Variants in XPO5 observed in about 807,000 individuals in gnomAD.
XPO5 encodes exportin-5.
Under a neutral mutation model 160.6 loss-of-function variants are expected in XPO5, and 46 were observed. That is an observed-to-expected ratio of 0.29 (90% CI 0.23 to 0.37). The LOEUF is 0.37. Ranked by LOEUF, XPO5 falls within the 10% of genes least tolerant of loss-of-function variation. The pLI is 1.00. For missense variants in XPO5, 1,090 were observed against 1,463.9 expected (o/e 0.74, Z 4.17); for synonymous variants, 537 against 519.3 (o/e 1.03, Z -0.46).
Position 43,524,377 on chromosome 6 carries a change from C to T in XPO5, c.3477+94G>A, listed in dbSNP as rs1355223672. ...CAAAAAAAAAAAAAAAAAAATCTCA[C>T]CATAATGGTCAATAACTACAGCTGG... On this transcript the variant is annotated intron_variant, in intron 31 of 31. Coordinates refer to ENST00000265351, the MANE Select transcript of XPO5 (RefSeq NM_020750.3). 21 of 1,400,296 alleles carry T rather than the reference C, an allele frequency of 1.5e-5. No homozygotes were observed. In the Middle Eastern group the frequency reaches 7.8e-4, roughly 52 times the overall value. The allele number at this position is 1,400,296 out of a possible 1,614,324, so 86.7% of individuals were successfully genotyped here. A position where few individuals can be genotyped will look rare whatever the true frequency, so the allele number is the denominator to read the frequency against.
In XPO5 at chr6:43,534,038, T is replaced by C. The variant is rs778786082; in HGVS notation, c.2343-31A>G. On this transcript the variant is annotated intron_variant, in intron 20 of 31. Transcript: ENST00000265351. The stretch of plus-strand genomic sequence containing the variant: ...AGAAACAAGAATGCTATTGAGCTTT[T>C]CCATCTGATGCAGAAGGAAAGAGTG... 5 of 1,539,484 alleles carry C rather than the reference T, an allele frequency of 3.2e-6. No individual in the cohort carries two copies. In the Admixed American group the frequency reaches 8.6e-5, roughly 26 times the overall value.
In XPO5 at chr6:43,560,213, T is replaced by C; in HGVS notation, c.1186A>G (p.Lys396Glu). Residue 396 changes from lysine (K) to glutamate (E), a missense_variant, in exon 11 of 32, where the codon AAA becomes GAA. This residue lies in a region of XPO5 where 810 missense variants were observed against 1,139.0 expected (regional missense o/e 0.71). Coordinates refer to ENST00000265351, the MANE Select transcript of XPO5 (RefSeq NM_020750.3). ...TTAGTCATGGAAGCACGAAGATATT[T>C]TGGTATTATTGCTAATAGCAAAGGA... ...RDPLLLAIIP[K>E]YLRASMTNLV... The C allele has an allele frequency of 1.9e-6, 3 of 1,612,664 alleles. No individual in the cohort carries two copies. Among genetic ancestry groups the C allele is most frequent in the Non-Finnish European group, 2.5e-6 (3 of 1,179,260 alleles).
chr6:43,533,723 T>G (rs1296151572), intron 21 of XPO5, 184 bp downstream of exon 21: 1 of 369,074 alleles, frequency 2.7e-6, no homozygotes, highest in East Asian at 5.6e-5. Context: ...GTGGTCCAAC[T>G]ACTCGGGAGG....
In XPO5 at chr6:43,560,953, A is replaced by G; in HGVS notation, c.1066T>C (p.Phe356Leu). Residue 356 changes from phenylalanine to leucine, a missense_variant, in exon 10 of 32, where the codon TTT (phenylalanine) becomes CTT (leucine). Phe to Leu is a conservative substitution (Grantham distance 22, BLOSUM62 0). Coordinates refer to ENST00000265351, the MANE Select transcript of XPO5 (RefSeq NM_020750.3). ...CTTGGATGGGTTGTGAAAGCAAGAA[A>G]AGATTCCAGGTATTTTCCAAAGTTT... ...PSNFGKYLES[F>L]LAFTTHPSQF... The G allele has an allele frequency of 1.9e-6, 3 of 1,613,990 alleles. No homozygotes were observed. The highest frequency in any genetic ancestry group is 1.7e-4 in the Middle Eastern group (1 of 6,060).
chr6:43,573,836 T>C (rs1561889383), intron 1 of XPO5, among the ~76,000 whole-genome samples: 1 of 142,938 alleles, frequency 7.0e-6, no homozygotes. Context: ...TTTTTTTTTT[T>C]TTTTTGAGAC....
At chr6:43,538,218 C>T (rs1210250703) in intron 20 of XPO5, among the ~76,000 whole-genome samples, 1 of 121,726 alleles carries the variant, frequency 8.2e-6, no homozygotes, top group Non-Finnish European at 1.6e-5. Context: ...GGCGTGATCT[C>T]AGCTCAATGC....
chr6:43,544,801 C>G (rs1268845690), intron 20 of XPO5, among the ~76,000 whole-genome samples: 2 of 152,088 alleles, frequency 1.3e-5, no homozygotes, highest in Non-Finnish European at 2.9e-5. Context: ...AATGTTTAAC[C>G]CTCTCAGTAC....
In XPO5 at chr6:43,557,664, T is replaced by C. The variant is rs112299232; in HGVS notation, c.1312+837A>G. ...ATTTATTTTTGGGGTGATGAAAATATAATCTAAAATTGATTGTGGTGATGG... is the reference window on the plus strand; with the variant it reads ...ATTTATTTTTGGGGTGATGAAAATACAATCTAAAATTGATTGTGGTGATGG... On this transcript the variant is annotated intron_variant, in intron 12 of 31. Transcript: ENST00000265351. 3.7e-4 allele frequency among the ~76,000 whole-genome samples: 56 copies of C among 151,150 alleles called. 1 individual carries two copies. Among genetic ancestry groups the C allele is most frequent in the Middle Eastern group, 3.4e-3 (1 of 292 alleles).
intron 21 of XPO5, among the ~76,000 whole-genome samples, chr6:43,532,381 C>T (rs1335741490): frequency 6.6e-6 from 1 of 152,180 alleles, no homozygotes; most frequent in Non-Finnish European, 1.5e-5. Context: ...CAGCCGGGCT[C>T]AGACACAGGT....
At chr6:43,570,753 T>C in intron 4 of XPO5, 69 bp from the exon 5 acceptor site, 6 of 1,533,174 alleles carry the variant, frequency 3.9e-6, no homozygotes, top group Non-Finnish European at 5.2e-6. Context: ...CCAAAGGCTA[T>C]TTTCTGTTGC....
At chr6:43,570,311 CAAAAAAAAAAAAA>C (rs70990200) in intron 5 of XPO5, among the ~76,000 whole-genome samples, 178 bp downstream of exon 5, 2 of 77,194 alleles carry the variant, frequency 2.6e-5, no homozygotes, top group South Asian at 4.4e-4. Context: ...GCCTCCGTCT[CAAAAAAAAAAAAA>C]AAAAAAAAAG....
At position 43,542,079 on chromosome 6, in the gene XPO5, G is replaced by A. The variant is rs144416821; in HGVS notation, c.2342+4492C>T. Among the ~76,000 whole-genome samples the A allele has an allele frequency of 6.4e-4, 97 of 152,098 alleles. 1 individual carries two copies. The East Asian group carries it at 0.017, about 27-fold the overall frequency. On this transcript the variant is annotated intron_variant, in intron 20 of 31. Coordinates refer to ENST00000265351, the MANE Select transcript of XPO5 (RefSeq NM_020750.3). ...ATTACATGCATGAGCCACCGCACCC[G>A]GCCGATTTTAGAAATCTAGTGTGTA...
At chr6:43,567,044 C>T (rs1386568663) in intron 7 of XPO5, 125 bp downstream of exon 7, 3 of 959,272 alleles carry the variant, frequency 3.1e-6, no homozygotes, top group African/African-American at 1.7e-5. Flanking sequence ...TGGAAGCAGG[C>T]AGTAAGTTGG....
chr6:43,574,213 G>A (rs1763168333), intron 1 of XPO5, among the ~76,000 whole-genome samples: 1 of 151,932 alleles, frequency 6.6e-6, no homozygotes, highest in Admixed American at 6.6e-5. Flanking sequence ...AGTGGTAGGA[G>A]AATCACTTGA....
At position 43,528,930 on chromosome 6, in the gene XPO5, T is replaced by C; in HGVS notation, c.2678-5A>G. ...CCAGAGGCTTTACAAAGACACGTGC[T>C]GCAACAAGTTAAGAAATTTTAGTGC... On this transcript the variant is annotated splice_polypyrimidine_tract_variant and splice_region_variant and intron_variant, in intron 23 of 31. Transcript: ENST00000265351. 2 of 1,609,544 alleles carry C rather than the reference T, an allele frequency of 1.2e-6. No individual in the cohort carries two copies. The highest frequency in any genetic ancestry group is 1.7e-6 in the Non-Finnish European group (2 of 1,178,492).
chr6:43,527,499 T>C, intron 26 of XPO5, 135 bp downstream of exon 26: 2 of 809,990 alleles, frequency 2.5e-6, no homozygotes, highest in Non-Finnish European at 4.0e-6. Flanking sequence ...GTCTTGATCT[T>C]TTGACCTCGC....
intron 3 of XPO5, among the ~76,000 whole-genome samples, chr6:43,572,221 C>T (rs1399236654): frequency 6.6e-6 from 1 of 152,228 alleles, no homozygotes; most frequent in Non-Finnish European, 1.5e-5. Context: ...GGGCCACAGG[C>T]ATGCGCCACC....
rs6928412 is a variant in XPO5, at chr6:43,548,491, T to C, written c.1861-31A>G. The C allele has an allele frequency of 0.048, 71,332 of 1,483,916 alleles. 4,455 individuals carry two copies. The highest frequency in any genetic ancestry group is 0.3 in the African/African-American group (21,308 of 70,644). The allele number at this position is 1,483,916 out of a possible 1,614,324, so 91.9% of individuals were successfully genotyped here. A position where few individuals can be genotyped will look rare whatever the true frequency, so the allele number is the denominator to read the frequency against. ...GATCAAAAAGAAAAAAAGCCAGAGG[T>C]GGTAAAGGTCTGATTTTCAAGGAGA... On this transcript the variant is annotated intron_variant, in intron 17 of 31. Transcript: ENST00000265351.
chr6:43,574,961 C>T (rs1405097873), intron 1 of XPO5, among the ~76,000 whole-genome samples: 1 of 152,130 alleles, frequency 6.6e-6, no homozygotes, highest in Admixed American at 6.5e-5. Context: ...AAATGTACAG[C>T]ACAAGTATTT....
Sources: gnomAD v4.1 joint callset for allele counts (sites outside exome capture counted in the v4.1 genomes callset) on GRCh38, gnomAD v4.1.1 for gene constraint, gnomAD v4.1.1 regional missense constraint, MANE v1.5 for transcripts, NCBI Gene and HGNC (gene_info 2026-07-23, HGNC 2026-07-21) for gene names.